CSGALNACT1: variants seen among roughly 807,000 people sequenced by gnomAD.
CSGALNACT1 encodes beta4GalNAcT-1.
CSGALNACT1 carries 52 observed loss-of-function variants against 51.0 expected under a neutral mutation model. That is an observed-to-expected ratio of 1.02 (90% CI 0.82 to 1.29). CSGALNACT1 has a LOEUF of 1.29. Ranked by LOEUF, CSGALNACT1 falls within the 50% of genes most tolerant of loss-of-function variation. CSGALNACT1 has a pLI of 0.00. For synonymous variants in CSGALNACT1, 341 were observed against 254.4 expected, an observed-to-expected ratio of 1.34 and a Z score of -3.24; for missense variants, 935 against 679.2, an observed-to-expected ratio of 1.38 and a Z score of -4.19.
At chr8:19,584,945 C>G (rs1406985911) in intron 3 of CSGALNACT1, among the ~76,000 whole-genome samples, 1 of 152,154 alleles carries the variant, frequency 6.6e-6, no homozygotes, top group Non-Finnish European at 1.5e-5. Flanking sequence ...TCAAAGTGGA[C>G]TTTAGAACCC....
chr8:19,720,838 C>T (rs1441815710), intron 1 of CSGALNACT1, among the ~76,000 whole-genome samples: 1 of 152,198 alleles, frequency 6.6e-6, no homozygotes, highest in Admixed American at 6.5e-5. Context: ...TGTTTTAAAA[C>T]ATCACAACGA....
At chr8:19,510,344 C>T (rs949669765) in intron 3 of CSGALNACT1, among the ~76,000 whole-genome samples, 1 of 152,164 alleles carries the variant, frequency 6.6e-6, no homozygotes, top group Admixed American at 6.5e-5. Flanking sequence ...CAGAGCAATG[C>T]TTGTAGGACT....
In CSGALNACT1 at chr8:19,757,173, G is replaced by A. The variant is rs1464035624; in HGVS notation, c.-297+677C>T. ...CACCGCGCCCGGCTGGCCCGGGAGG[G>A]GACCCGACTCACCCGAAGCGCCCTG... On this transcript the variant is annotated intron_variant, in intron 1 of 1. Coordinates refer to the CSGALNACT1 transcript ENST00000517494. This position sits in a 1 kb window ranked among gnomAD's most constrained non-coding sequence, Gnocchi z 4.0. 1 of 149,682 alleles carries A rather than the reference G, an allele frequency of 6.7e-6. No individual in the cohort carries two copies. Among genetic ancestry groups the A allele is most frequent in the Non-Finnish European group, 1.5e-5 (1 of 67,010 alleles). 9.3% of individuals were successfully genotyped at this position (149,682 alleles called of 1,614,324 possible).
In CSGALNACT1 at chr8:19,575,576, A is replaced by G. The variant is rs7002285; in HGVS notation, c.-297+15584T>C. ...CAAACATCAGAAAAGCAAGTGTTAA[A>G]ACAAAACAAAACAAAACCTTTGAAA... On this transcript the variant is annotated intron_variant, in intron 3 of 9. Coordinates refer to ENST00000454498, the Ensembl canonical transcript of CSGALNACT1. Among the ~76,000 whole-genome samples, 488 of 152,350 alleles carry G rather than the reference A, an allele frequency of 3.2e-3. 3 individuals are homozygous for G. Among genetic ancestry groups the G allele is most frequent in the African/African-American group, 0.011 (469 of 41,588 alleles).
chr8:19,720,600 C>T (rs1303817060), intron 1 of CSGALNACT1, among the ~76,000 whole-genome samples: 2 of 152,158 alleles, frequency 1.3e-5, no homozygotes, highest in Admixed American at 6.5e-5. Flanking sequence ...GCTCCCTTCC[C>T]CGGACAGGGC....
chr8:19,668,186 T>TA (rs1291962510), intron 1 of CSGALNACT1, among the ~76,000 whole-genome samples: 7 of 152,304 alleles, frequency 4.6e-5, no homozygotes, highest in African/African-American at 1.7e-4. Flanking sequence ...AAAGGAATGG[T>TA]AAAATCACAC....
intron 3 of CSGALNACT1, among the ~76,000 whole-genome samples, chr8:19,524,211 G>C (rs1370930958): frequency 6.6e-6 from 1 of 152,086 alleles, no homozygotes. Flanking sequence ...GATCGCTTGA[G>C]CCCAGGAGTT....
At chr8:19,662,085 C>G (rs1046862374) in intron 1 of CSGALNACT1, among the ~76,000 whole-genome samples, 8 of 110,350 alleles carry the variant, frequency 7.2e-5, no homozygotes, top group East Asian at 2.9e-4. Flanking sequence ...CCCCCCCCCC[C>G]CCCCGCATCT....
At chr8:19,562,261 T>C (rs1026690017) in intron 3 of CSGALNACT1, among the ~76,000 whole-genome samples, 3 of 152,232 alleles carry the variant, frequency 2.0e-5, no homozygotes, top group African/African-American at 7.2e-5. Context: ...GAAAGCTGAC[T>C]TGCTTATTTC....
intron 1 of CSGALNACT1, among the ~76,000 whole-genome samples, chr8:19,750,482 C>T (rs1042477051): frequency 4.6e-5 from 7 of 152,306 alleles, no homozygotes; most frequent in Non-Finnish European, 7.3e-5. Context: ...AGAAAACGGA[C>T]ACTGCTATTG....
intron 3 of CSGALNACT1, among the ~76,000 whole-genome samples, chr8:19,536,590 T>C (rs1278643806): frequency 6.6e-6 from 1 of 152,194 alleles, no homozygotes; most frequent in Non-Finnish European, 1.5e-5. Context: ...ATAAATTCTC[T>C]TCAAATTGAT....
At chr8:19,601,982 A>C (rs2050535069) in intron 1 of CSGALNACT1, 117 bp from the exon 2 acceptor site, 2 of 406,628 alleles carry the variant, frequency 4.9e-6, no homozygotes, top group Admixed American at 2.8e-5. Context: ...AATGCATCTG[A>C]AAGTATTACC....
At chr8:19,746,819 A>T (rs1314448766) in intron 1 of CSGALNACT1, among the ~76,000 whole-genome samples, 1 of 152,110 alleles carries the variant, frequency 6.6e-6, no homozygotes, top group African/African-American at 2.4e-5. Context: ...AACAAACACG[A>T]TCAGCTTTAT....
intron 4 of CSGALNACT1, among the ~76,000 whole-genome samples, chr8:19,497,531 C>T (rs781259518): frequency 5.3e-5 from 8 of 151,840 alleles, no homozygotes; most frequent in South Asian, 2.1e-4. Context: ...AGCTATCTGA[C>T]GGAGAATTTA....
At chr8:19,574,854 G>A (rs1294591103) in intron 3 of CSGALNACT1, among the ~76,000 whole-genome samples, 2 of 152,114 alleles carry the variant, frequency 1.3e-5, no homozygotes, top group Non-Finnish European at 2.9e-5. Context: ...GGCCCATGTG[G>A]TGAAATCCCG....
At chr8:19,460,762 C>G (rs977338645) in intron 4 of CSGALNACT1, among the ~76,000 whole-genome samples, 1 of 152,218 alleles carries the variant, frequency 6.6e-6, no homozygotes. Flanking sequence ...CTCACTCTCC[C>G]TCTTCTTCTC....
chr8:19,505,390 C>A, exon 4 of CSGALNACT1: 1 of 1,614,172 alleles, frequency 6.2e-7, no homozygotes, highest in Non-Finnish European at 8.5e-7. Context: ...GTAAAGCTAT[C>A]GAAAGGCACT....
At chr8:19,610,534 G>A (rs937357217) in intron 1 of CSGALNACT1, among the ~76,000 whole-genome samples, 18 of 151,980 alleles carry the variant, frequency 1.2e-4, no homozygotes, top group Non-Finnish European at 7.4e-5. Flanking sequence ...GGAGCACATC[G>A]GTGGAGGAAC....
At chr8:19,413,445 G>C (rs906050318) in intron 8 of CSGALNACT1, among the ~76,000 whole-genome samples, 1 of 152,158 alleles carries the variant, frequency 6.6e-6, no homozygotes, top group African/African-American at 2.4e-5. Context: ...TATTACGTGA[G>C]ATAACGTGGG....
Sources: allele counts gnomAD v4.1 joint callset (sites outside exome capture counted in the v4.1 genomes callset), GRCh38; gene constraint gnomAD v4.1.1; non-coding constraint Gnocchi (gnomAD v3.1); transcripts MANE v1.5; gene names NCBI Gene and HGNC (gene_info 2026-07-23, HGNC 2026-07-21).